The following CAMK2D variants were observed in gnomAD, a reference collection of about 807,000 sequenced individuals.
CAMK2D encodes the protein calcium/calmodulin dependent protein kinase II delta, also known as calcium/calmodulin-dependent protein kinase type II subunit delta.
In CAMK2D, 37 loss-of-function variants were observed where a neutral mutation model predicts 84.0. That is an observed-to-expected ratio of 0.44 (90% CI 0.34 to 0.58). CAMK2D has a LOEUF of 0.58. CAMK2D is among the 20% of genes least tolerant of loss of function. The pLI is 0.02. For synonymous variants in CAMK2D, 202 were observed against 212.5 expected, an observed-to-expected ratio of 0.95 and a Z score of 0.43; for missense variants, 448 against 652.5, an observed-to-expected ratio of 0.69 and a Z score of 3.41.
chr4:113,672,900 C>T (rs1490448542), intron 2 of CAMK2D, among the ~76,000 whole-genome samples: 1 of 151,976 alleles, frequency 6.6e-6, no homozygotes, highest in Non-Finnish European at 1.5e-5. Flanking sequence ...AAAACTATGA[C>T]ATATCAATTA....
intron 4 of CAMK2D, among the ~76,000 whole-genome samples, chr4:113,577,582 T>C (rs1162156800): frequency 6.6e-6 from 1 of 152,152 alleles, no homozygotes; most frequent in Non-Finnish European, 1.5e-5. Flanking sequence ...TGATGTTAGC[T>C]TGGCCCTCGA....
chr4:113,626,587 A>C (rs2099069156), intron 3 of CAMK2D, among the ~76,000 whole-genome samples: 1 of 152,204 alleles, frequency 6.6e-6, no homozygotes, highest in African/African-American at 2.4e-5. Context: ...CAGAGAATGG[A>C]TAGCCCAAGG....
rs570899363 is a variant in CAMK2D, at chr4:113,508,539, T to C, written c.984+1099A>G. On this transcript the variant is annotated intron_variant, in intron 13 of 20. Transcript: ENST00000511664. Reference sequence around the variant, plus strand: ...AATGTAAGATACCACATTTCTACTATTGTAACATTGGGAAAAAGGCAGTCA... The same window carrying C: ...AATGTAAGATACCACATTTCTACTACTGTAACATTGGGAAAAAGGCAGTCA... Among the ~76,000 whole-genome samples the C allele has an allele frequency of 7.9e-5, 12 of 152,298 alleles. No homozygotes were observed. In the East Asian group the frequency reaches 1.2e-3, roughly 15 times the overall value.
intron 6 of CAMK2D, among the ~76,000 whole-genome samples, chr4:113,546,280 A>C (rs1477305150): frequency 2.0e-5 from 3 of 152,240 alleles, no homozygotes; most frequent in Non-Finnish European, 4.4e-5. Flanking sequence ...GTAAATGGCC[A>C]GTAAAGAATT....
chr4:113,488,099 AAAG>A (rs994341256), intron 16 of CAMK2D, among the ~76,000 whole-genome samples: 14 of 152,222 alleles, frequency 9.2e-5, no homozygotes, highest in African/African-American at 3.1e-4. Context: ...CTGAAAAAAT[AAAG>A]AAGATAGAAG....
At chr4:113,682,475 A>C (rs1045351160) in intron 2 of CAMK2D, among the ~76,000 whole-genome samples, 2 of 152,020 alleles carry the variant, frequency 1.3e-5, no homozygotes, top group Non-Finnish European at 1.5e-5. Flanking sequence ...AAAATTTATA[A>C]TGAGGACTTT....
At chr4:113,631,237 A>C (rs1159698143) in intron 3 of CAMK2D, among the ~76,000 whole-genome samples, 1 of 152,242 alleles carries the variant, frequency 6.6e-6, no homozygotes, top group African/African-American at 2.4e-5. Context: ...TGTAGACTGA[A>C]TATGGTGGCT....
chr4:113,513,744 C>T (rs2098249243), intron 11 of CAMK2D, 86 bp downstream of exon 11: 1 of 670,720 alleles, frequency 1.5e-6, no homozygotes, highest in Non-Finnish European at 2.6e-6. Context: ...AATTGAAAGC[C>T]TTTGCTAGAA....
At chr4:113,604,382 G>T (rs955765735) in intron 4 of CAMK2D, among the ~76,000 whole-genome samples, 8 of 152,014 alleles carry the variant, frequency 5.3e-5, no homozygotes, top group African/African-American at 1.7e-4. Context: ...TATCTGTTAT[G>T]CTCTCTTTTC....
intron 16 of CAMK2D, among the ~76,000 whole-genome samples, 155 bp from the exon 17 acceptor site, chr4:113,465,759 G>A (rs1484624285): frequency 2.0e-5 from 3 of 151,748 alleles, no homozygotes; most frequent in African/African-American, 7.3e-5. Context: ...TGACCTCCTG[G>A]GCTCAAGTGA....
At chr4:113,553,420 G>A (rs747988358) in intron 4 of CAMK2D, among the ~76,000 whole-genome samples, 27 of 152,144 alleles carry the variant, frequency 1.8e-4, no homozygotes, top group Non-Finnish European at 2.9e-4. Flanking sequence ...GAGATAAAAG[G>A]ATGCTAAATT....
intron 2 of CAMK2D, among the ~76,000 whole-genome samples, chr4:113,711,796 T>A (rs1162574832): frequency 6.6e-6 from 1 of 152,218 alleles, no homozygotes; most frequent in Non-Finnish European, 1.5e-5. Context: ...AGAAAGAACA[T>A]CTGAATACAA....
At position 113,761,257 on chromosome 4, in the gene CAMK2D, G is replaced by A. The variant is rs1237943082; in HGVS notation, c.-189C>T. On this transcript the variant is annotated 5_prime_UTR_variant, in exon 1 of 21. Coordinates refer to ENST00000511664, the MANE Select transcript of CAMK2D (RefSeq NM_001321571.2). ...GGGAGGGGAGATGACCAGAAAGGGT[G>A]GCGTGGGGTCTCCTCCCCACAGTCC... The A allele has an allele frequency of 2.1e-6, 3 of 1,458,078 alleles. No individual in the cohort carries two copies. Among genetic ancestry groups the A allele is most frequent in the Non-Finnish European group, 2.7e-6 (3 of 1,107,704 alleles). The allele number at this position is 1,458,078 out of a possible 1,614,324, so 90.3% of individuals were successfully genotyped here.
chr4:113,712,992 C>T (rs2099498968), intron 2 of CAMK2D, among the ~76,000 whole-genome samples: 1 of 151,928 alleles, frequency 6.6e-6, no homozygotes, highest in Non-Finnish European at 1.5e-5. Context: ...TGTAAGTGTG[C>T]CTCTGAAACT....
intron 18 of CAMK2D, among the ~76,000 whole-genome samples, chr4:113,458,098 G>A (rs1035604927): frequency 9.2e-5 from 14 of 152,182 alleles, no homozygotes; most frequent in African/African-American, 3.4e-4. Flanking sequence ...ACAAGCCTAT[G>A]AACTTGTTTC....
At chr4:113,586,059 C>A (rs1561166540) in intron 4 of CAMK2D, among the ~76,000 whole-genome samples, 1 of 152,034 alleles carries the variant, frequency 6.6e-6, no homozygotes, top group Non-Finnish European at 1.5e-5. Flanking sequence ...TTTTGTTTCA[C>A]TTTTTTTGCT....
Position 113,451,986 on chromosome 4 carries a change from T to C in CAMK2D, c.*2559A>G, listed in dbSNP as rs965199704. The stretch of plus-strand genomic sequence containing the variant: ...ACAACATGAACAGCATAAACAGGCA[T>C]GTGAGCAAGTGTGATGTTTTTAGCA... On this transcript the variant is annotated 3_prime_UTR_variant, in exon 21 of 21. Transcript: ENST00000511664. 6.6e-6 allele frequency: 1 copy of C among 152,106 alleles called. No individual in the cohort carries two copies. The highest frequency in any genetic ancestry group is 2.4e-5 in the African/African-American group (1 of 41,420). The allele number at this position is 152,106 out of a possible 1,614,324, so 9.4% of individuals were successfully genotyped here. A position where few individuals can be genotyped will look rare whatever the true frequency, so the allele number is the denominator to read the frequency against.
At chr4:113,677,462 G>T in intron 2 of CAMK2D, 1 of 297,186 alleles carries the variant, frequency 3.4e-6, no homozygotes, top group Non-Finnish European at 5.0e-6. Context: ...CAACAGGAAA[G>T]TGAAAGTAAC....
Position 113,585,339 on chromosome 4 carries a change from T to C in CAMK2D, c.275+23813A>G, listed in dbSNP as rs115210001. Among the ~76,000 whole-genome samples, 539 of 152,316 alleles carry C rather than the reference T, an allele frequency of 3.5e-3. 3 individuals carry two copies. The highest frequency in any genetic ancestry group is 0.012 in the African/African-American group (504 of 41,588). On this transcript the variant is annotated intron_variant, in intron 4 of 20. Transcript: ENST00000511664. ...CAGTTGAACCTCTAAAGTGATTTTT[T>C]TCCCTAGACTTCACTCGTTGTCCTT...
Sources: allele counts gnomAD v4.1 joint callset (sites outside exome capture counted in the v4.1 genomes callset), GRCh38; gene constraint gnomAD v4.1.1; transcripts MANE v1.5; gene names NCBI Gene and HGNC (gene_info 2026-07-23, HGNC 2026-07-21).